RALGAPA2: variants seen among roughly 807,000 people sequenced by gnomAD.
RALGAPA2 encodes the protein Ral GTPase activating protein catalytic subunit alpha 2, also known as ral GTPase-activating protein subunit alpha-2.
A neutral mutation model predicts 230.4 loss-of-function variants in RALGAPA2; 139 were observed. The observed-to-expected ratio is 0.60, with a 90% CI of 0.53 to 0.69. RALGAPA2 has a LOEUF of 0.69. Among genes scored for constraint, RALGAPA2 ranks in the 30% least tolerant of loss-of-function variants. The probability of loss-of-function intolerance (pLI) is 0.00; values close to 1 mark genes in which losing one functional copy is unlikely to be tolerated. For missense variants in RALGAPA2, 2,163 were observed against 2,276.0 expected (o/e 0.95, Z 1.01); for synonymous variants, 847 against 837.8 (o/e 1.01, Z -0.19).
chr20:20,440,473 G>A (rs150886932), intron 37 of RALGAPA2, among the ~76,000 whole-genome samples: 150 of 152,298 alleles, frequency 9.8e-4, no homozygotes, highest in African/African-American at 3.4e-3. Context: ...ACAGGTACTT[G>A]AGGCTCACTG....
At chr20:20,582,967 C>T in intron 20 of RALGAPA2, 83 bp downstream of exon 20, 1 of 1,421,842 alleles carries the variant, frequency 7.0e-7, no homozygotes, top group East Asian at 2.4e-5. Context: ...TGTTTCAGAA[C>T]CCTCTGTATA....
At chr20:20,493,217 T>C (rs928611582) in intron 36 of RALGAPA2, among the ~76,000 whole-genome samples, 3 of 152,204 alleles carry the variant, frequency 2.0e-5, no homozygotes, top group Non-Finnish European at 4.4e-5. Context: ...GGGTCAGTGG[T>C]TGGTGAACAA....
rs532499268 is a variant in RALGAPA2, at chr20:20,560,025, G to A, written c.3156+11433C>T. ...TTCTCAAGTGCTAACTGGGTTGAAG[G>A]TACCATGTTAGTTGCTGTGAGGTTC... is the stretch of plus-strand genomic sequence containing the variant. On this transcript the variant is annotated intron_variant, in intron 23 of 39. Transcript: ENST00000202677. Among the ~76,000 whole-genome samples, 22 of 152,226 alleles carry A rather than the reference G, an allele frequency of 1.4e-4. 1 individual carries two copies. The South Asian group carries it at 3.7e-3, about 26-fold the overall frequency.
intron 39 of RALGAPA2, 108 bp downstream of exon 39, chr20:20,396,587 C>A: frequency 4.8e-6 from 5 of 1,040,360 alleles, no homozygotes; most frequent in Non-Finnish European, 6.9e-6. Context: ...CCCAGGAGGG[C>A]GAGGAGCACT....
intron 1 of RALGAPA2, among the ~76,000 whole-genome samples, chr20:20,710,757 G>C (rs2147058713): frequency 6.6e-6 from 1 of 152,294 alleles, no homozygotes; most frequent in South Asian, 2.1e-4. Flanking sequence ...ACCTGATCTA[G>C]GTTTACTTGA....
chr20:20,468,957 G>T (rs912009354), intron 37 of RALGAPA2, among the ~76,000 whole-genome samples: 34 of 149,240 alleles, frequency 2.3e-4, no homozygotes, highest in East Asian at 1.4e-3. Context: ...GTGTGTGTGT[G>T]TGTGTTTGTG....
intron 9 of RALGAPA2, among the ~76,000 whole-genome samples, chr20:20,633,378 G>A (rs193215379): frequency 1.4e-4 from 21 of 152,248 alleles, no homozygotes; most frequent in Admixed American, 4.6e-4. Context: ...CAAGTGATCT[G>A]CCTGTCTTGG....
At chr20:20,403,031 T>A (rs1012641223) in intron 38 of RALGAPA2, among the ~76,000 whole-genome samples, 1 of 152,040 alleles carries the variant, frequency 6.6e-6, no homozygotes, top group African/African-American at 2.4e-5. Context: ...CCTTGTCATT[T>A]CTCACACGCC....
intron 10 of RALGAPA2, among the ~76,000 whole-genome samples, chr20:20,623,755 T>C (rs79053280): frequency 0.029 from 4,445 of 152,352 alleles, 85 homozygotes; most frequent in South Asian, 0.061. Context: ...TTAGGTTTTC[T>C]TTTAATATTC....
chr20:20,667,598 CAT>C (rs1446152656), intron 3 of RALGAPA2, among the ~76,000 whole-genome samples: 2 of 152,230 alleles, frequency 1.3e-5, no homozygotes, highest in African/African-American at 4.8e-5. Flanking sequence ...AAGAAACCCA[CAT>C]GTCATCTGCA....
chr20:20,673,244 A>G (rs1292687933), intron 3 of RALGAPA2, among the ~76,000 whole-genome samples: 2 of 151,466 alleles, frequency 1.3e-5, no homozygotes, highest in African/African-American at 2.4e-5. Context: ...GAAAAAAAAG[A>G]AGCCAGAAAG....
chr20:20,530,427 T>C (rs1477426130), intron 27 of RALGAPA2, among the ~76,000 whole-genome samples: 1 of 152,032 alleles, frequency 6.6e-6, no homozygotes, highest in Non-Finnish European at 1.5e-5. Flanking sequence ...CTAGGTGTTG[T>C]GGAGGAGAAA....
At chr20:20,628,440 C>G (rs2066561300) in intron 10 of RALGAPA2, among the ~76,000 whole-genome samples, 1 of 152,204 alleles carries the variant, frequency 6.6e-6, no homozygotes, top group Admixed American at 6.5e-5. Flanking sequence ...TCCCTGTTTT[C>G]AAGAGCACCA....
intron 37 of RALGAPA2, among the ~76,000 whole-genome samples, chr20:20,442,174 C>T (rs2060753786): frequency 6.6e-6 from 1 of 152,262 alleles, no homozygotes; most frequent in African/African-American, 2.4e-5. Context: ...TTCAGCTTCT[C>T]TCTGTGCTTT....
intron 13 of RALGAPA2, among the ~76,000 whole-genome samples, chr20:20,613,697 C>A (rs2066043439): frequency 6.6e-6 from 1 of 152,160 alleles, no homozygotes; most frequent in Non-Finnish European, 1.5e-5. Flanking sequence ...AGCCACTTTT[C>A]TTTTACCTTT....
chr20:20,676,136 C>T (rs1464376056), intron 3 of RALGAPA2, 100 bp downstream of exon 3: 4 of 784,948 alleles, frequency 5.1e-6, no homozygotes, highest in Non-Finnish European at 3.9e-6. Flanking sequence ...TATATGTCCA[C>T]CAACAGCCAT....
intron 38 of RALGAPA2, among the ~76,000 whole-genome samples, chr20:20,408,662 CCT>C (rs369091478): frequency 9.9e-5 from 15 of 152,204 alleles, no homozygotes; most frequent in African/African-American, 3.6e-4. Flanking sequence ...CCTTTCAAGG[CCT>C]CTCTGCCGGT....
At chr20:20,414,652 T>C (rs2060131688) in intron 37 of RALGAPA2, among the ~76,000 whole-genome samples, 1 of 152,066 alleles carries the variant, frequency 6.6e-6, no homozygotes, top group Non-Finnish European at 1.5e-5. Context: ...TTTAGAGGAG[T>C]AATAATGAAG....
chr20:20,524,330 T>C, intron 30 of RALGAPA2, 76 bp downstream of exon 30: 18 of 1,549,546 alleles, frequency 1.2e-5, no homozygotes, highest in South Asian at 2.3e-5. Flanking sequence ...AATAAGTACA[T>C]GCATAAGACA....
Sources: gnomAD v4.1 joint callset for allele counts (sites outside exome capture counted in the v4.1 genomes callset) on GRCh38, gnomAD v4.1.1 for gene constraint, MANE v1.5 for transcripts, NCBI Gene and HGNC (gene_info 2026-07-23, HGNC 2026-07-21) for gene names.